CIAPIN1: variants seen among roughly 807,000 people sequenced by gnomAD.
CIAPIN1 encodes the protein anamorsin.
A neutral mutation model predicts 34.3 loss-of-function variants in CIAPIN1; 18 were observed. That is an observed-to-expected ratio of 0.52 (90% CI 0.36 to 0.78). The LOEUF is 0.78. Among genes scored for constraint, CIAPIN1 ranks in the 30% least tolerant of loss-of-function variants. The pLI, the probability that CIAPIN1 is intolerant of heterozygous loss-of-function variation, is 0.00. For synonymous variants in CIAPIN1, 131 were observed against 140.4 expected, an observed-to-expected ratio of 0.93 and a Z score of 0.47; for missense variants, 310 against 372.5, an observed-to-expected ratio of 0.83 and a Z score of 1.38.
intron 3 of CIAPIN1, among the ~76,000 whole-genome samples, chr16:57,437,683 A>T (rs576490521): frequency 6.6e-6 from 1 of 151,626 alleles, no homozygotes; most frequent in Non-Finnish European, 1.5e-5. Flanking sequence ...GCACTACCAC[A>T]CTGGGCTAAT....
chr16:57,432,356 G>T, intron 6 of CIAPIN1, 131 bp downstream of exon 6: 1 of 649,854 alleles, frequency 1.5e-6, no homozygotes, highest in Non-Finnish European at 2.6e-6. Context: ...AATCAAAGAT[G>T]TGACAGGCAT....
intron 8 of CIAPIN1, 63 bp downstream of exon 8, chr16:57,430,194 GT>G: frequency 7.3e-7 from 1 of 1,376,606 alleles, no homozygotes; most frequent in Non-Finnish European, 1.0e-6. Flanking sequence ...TCTGTGTTTA[GT>G]TTAGAAGAAG....
At chr16:57,446,675 T>C (rs2030084907) in intron 1 of CIAPIN1, among the ~76,000 whole-genome samples, 1 of 152,158 alleles carries the variant, frequency 6.6e-6, no homozygotes, top group South Asian at 2.1e-4. Context: ...GGCACCAGCC[T>C]TTCCCGAACT....
At position 57,436,730 on chromosome 16, in the gene CIAPIN1, T is replaced by C. The variant is rs200237174; in HGVS notation, c.313A>G (p.Asn105Asp). The C allele has an allele frequency of 1.5e-4, 240 of 1,613,252 alleles. No homozygotes were observed. The Middle Eastern group carries it at 2.0e-3, about 13-fold the overall frequency. ...LKEPVETAVD[N>D]NSKVKTASKL... Reference sequence around the variant, plus strand: ...GATGCTGTCTTCACTTTGCTATTGTTATCTGCCAAAAGGAAAATCCCAATT... The same window carrying C: ...GATGCTGTCTTCACTTTGCTATTGTCATCTGCCAAAAGGAAAATCCCAATT... The change falls in exon 4 of 9, where the codon AAC becomes GAC. Residue 105 changes from asparagine (N) to aspartate (D), a missense_variant and splice_region_variant. By Grantham distance (23) the Asn-to-Asp change is conservative (BLOSUM62 1). Coordinates refer to ENST00000394391, the MANE Select transcript of CIAPIN1 (RefSeq NM_020313.4).
chr16:57,432,684 G>C, intron 5 of CIAPIN1, 124 bp from the exon 6 acceptor site: 1 of 880,826 alleles, frequency 1.1e-6, no homozygotes, highest in Non-Finnish European at 1.7e-6. Context: ...AGAAGATGTG[G>C]GTTCACAGTC....
intron 8 of CIAPIN1, among the ~76,000 whole-genome samples, chr16:57,429,717 C>T (rs1230953866): frequency 6.6e-6 from 1 of 151,974 alleles, no homozygotes; most frequent in Non-Finnish European, 1.5e-5. Flanking sequence ...TGGTCTCGAT[C>T]TCCTGACCTC....
chr16:57,435,385 T>C (rs1476407191), intron 4 of CIAPIN1, among the ~76,000 whole-genome samples: 1 of 152,238 alleles, frequency 6.6e-6, no homozygotes, highest in Non-Finnish European at 1.5e-5. Context: ...GTCTTAGGTA[T>C]TCCTTTATAG....
chr16:57,446,274 T>C (rs2030063728), intron 1 of CIAPIN1, among the ~76,000 whole-genome samples: 1 of 152,208 alleles, frequency 6.6e-6, no homozygotes, highest in South Asian at 2.1e-4. Context: ...CAAAGATGGA[T>C]GGATAGAACT....
At chr16:57,438,076 A>G (rs1178439246) in intron 3 of CIAPIN1, among the ~76,000 whole-genome samples, 3 of 152,224 alleles carry the variant, frequency 2.0e-5, no homozygotes, top group African/African-American at 7.2e-5. Flanking sequence ...ACATTTAGTC[A>G]TGTAAGGTTT....
intron 8 of CIAPIN1, among the ~76,000 whole-genome samples, 160 bp from the exon 9 acceptor site, chr16:57,429,440 T>C (rs1050280843): frequency 1.3e-5 from 2 of 152,176 alleles, no homozygotes; most frequent in African/African-American, 4.8e-5. Flanking sequence ...TTTCAAGATT[T>C]CTGGTTTCGT....
Position 57,428,975 on chromosome 16 carries a change from C to T in CIAPIN1, c.*195G>A. The T allele has an allele frequency of 1.9e-6, 1 of 537,254 alleles. No homozygotes were observed. Among genetic ancestry groups the T allele is most frequent in the East Asian group, 3.1e-5 (1 of 31,998 alleles). 33.3% of individuals were successfully genotyped at this position (537,254 alleles called of 1,614,324 possible). On this transcript the variant is annotated 3_prime_UTR_variant, in exon 9 of 9. Coordinates refer to ENST00000394391, the MANE Select transcript of CIAPIN1 (RefSeq NM_020313.4). ...CATTCTGAAACCAGGTCCCATAATA[C>T]CTTGGTCTTTTGATACACAGCAGCA...
At chr16:57,435,298 C>T (rs149910812) in intron 4 of CIAPIN1, among the ~76,000 whole-genome samples, 1 of 152,334 alleles carries the variant, frequency 6.6e-6, no homozygotes, top group African/African-American at 2.4e-5. Context: ...AGAAGCCAAG[C>T]AGTTGCAGGC....
intron 1 of CIAPIN1, chr16:57,441,370 C>G (rs1903328374): frequency 6.5e-6 from 1 of 152,938 alleles, no homozygotes; most frequent in South Asian, 2.1e-4. Context: ...ACAGAAATAA[C>G]CCAACCACAG....
At chr16:57,436,085 T>C (rs1285300720) in intron 4 of CIAPIN1, among the ~76,000 whole-genome samples, 1 of 151,982 alleles carries the variant, frequency 6.6e-6, no homozygotes, top group East Asian at 1.9e-4. Flanking sequence ...GAGAGGTGGG[T>C]GTTGGAAGCA....
At chr16:57,439,832 A>C (rs1903286655) in intron 2 of CIAPIN1, among the ~76,000 whole-genome samples, 1 of 152,212 alleles carries the variant, frequency 6.6e-6, no homozygotes, top group Non-Finnish European at 1.5e-5. Flanking sequence ...ATGTTGCCTC[A>C]GAACCCTGTG....
At chr16:57,433,977 T>C in intron 5 of CIAPIN1, 67 bp downstream of exon 5, 1 of 1,379,946 alleles carries the variant, frequency 7.2e-7, no homozygotes, top group South Asian at 1.2e-5. Flanking sequence ...CATTTATTGC[T>C]GGCTCAATTT....
At chr16:57,446,836 C>G (rs1369299842) in intron 1 of CIAPIN1, among the ~76,000 whole-genome samples, 2 of 152,200 alleles carry the variant, frequency 1.3e-5, no homozygotes, top group Non-Finnish European at 2.9e-5. Context: ...TATATCAACT[C>G]AACACGCTGG....
rs547611565 is a variant in CIAPIN1, at chr16:57,433,406, G to A, written c.556+638C>T. ...AAGGATTTCTTGAAGATTTAGGTTA[G>A]ACAGTCAAAACCGTACAAGTGGGAA... On this transcript the variant is annotated intron_variant, in intron 5 of 8. Coordinates refer to ENST00000394391, the MANE Select transcript of CIAPIN1 (RefSeq NM_020313.4). Among the ~76,000 whole-genome samples, 33 of 152,332 alleles carry A rather than the reference G, an allele frequency of 2.2e-4. 1 individual carries two copies. The South Asian group carries it at 6.6e-3, about 31-fold the overall frequency.
chr16:57,435,893 C>G (rs1903188645), intron 4 of CIAPIN1, among the ~76,000 whole-genome samples: 1 of 152,234 alleles, frequency 6.6e-6, no homozygotes, highest in African/African-American at 2.4e-5. Context: ...TTACCTCTCC[C>G]ACATCCAAGA....
Sources: allele counts gnomAD v4.1 joint callset (sites outside exome capture counted in the v4.1 genomes callset), GRCh38; gene constraint gnomAD v4.1.1; transcripts MANE v1.5; gene names NCBI Gene and HGNC (gene_info 2026-07-23, HGNC 2026-07-21).